The following KAZN variants were observed in gnomAD, a reference collection of about 807,000 sequenced individuals.
KAZN encodes kazrin, periplakin interacting protein, also known as kazrin.
In KAZN, 40 loss-of-function variants were observed where a neutral mutation model predicts 87.4. The ratio of observed to expected loss-of-function variants is 0.46; its 90% CI spans 0.36 to 0.60. The LOEUF (loss-of-function observed/expected upper bound fraction) is 0.60. Among genes scored for constraint, KAZN ranks in the 20% least tolerant of loss-of-function variants. The pLI is 0.00. For missense variants in KAZN, 898 were observed against 1,073.9 expected, an observed-to-expected ratio of 0.84 and a Z score of 2.29; for synonymous variants, 466 against 458.3, an observed-to-expected ratio of 1.02 and a Z score of -0.22.
At chr1:14,594,479 C>T (rs1676371861), upstream of KAZN, among the ~76,000 whole-genome samples, 2 of 152,174 alleles carry the variant, frequency 1.3e-5, no homozygotes, top group African/African-American at 4.8e-5. Context: ...TGAGCCGAGG[C>T]CTGGACCTTG....
chr1:13,926,085 A>C (rs1290470582), intron 1 of KAZN, among the ~76,000 whole-genome samples: 1 of 152,184 alleles, frequency 6.6e-6, no homozygotes, highest in South Asian at 2.1e-4. Flanking sequence ...TTTTCATTTC[A>C]AAGGATCTAG....
chr1:15,011,743 T>C (rs1393857833), intron 2 of KAZN, among the ~76,000 whole-genome samples: 1 of 152,200 alleles, frequency 6.6e-6, no homozygotes, highest in African/African-American at 2.4e-5. Flanking sequence ...TAGACCCTTC[T>C]TTCTGACCTT....
intron 1 of KAZN, among the ~76,000 whole-genome samples, chr1:14,602,323 GTC>G (rs1389604515): frequency 2.0e-5 from 3 of 152,140 alleles, no homozygotes; most frequent in African/African-American, 7.2e-5. Context: ...AGCCCATCTT[GTC>G]TCTCCCTCCT....
chr1:14,807,221 A>T (rs183142960), intron 1 of KAZN, among the ~76,000 whole-genome samples: 126 of 152,340 alleles, frequency 8.3e-4, no homozygotes, highest in Admixed American at 6.0e-3. Context: ...ACTGTGGCAG[A>T]GGACATTAGG....
rs561107469 is a variant in KAZN at position 14,625,306 on chromosome 1, A to G, written c.226+26083A>G. ...TGTAATGAAAGGTAGGAGCCTCCACAGTATACTAGATTTAGCCCTGATTAA... is the reference window on the plus strand; with the variant it reads ...TGTAATGAAAGGTAGGAGCCTCCACGGTATACTAGATTTAGCCCTGATTAA... On this transcript the variant is annotated intron_variant, in intron 1 of 14. Coordinates refer to ENST00000376030, the MANE Select transcript of KAZN (RefSeq NM_201628.3). 7.2e-5 allele frequency among the ~76,000 whole-genome samples: 11 copies of G among 152,316 alleles called. No homozygotes were observed. In the East Asian group the frequency reaches 1.7e-3, roughly 24 times the overall value.
At chr1:14,236,042 C>G (rs1044090715) in intron 2 of KAZN, among the ~76,000 whole-genome samples, 2 of 152,152 alleles carry the variant, frequency 1.3e-5, no homozygotes, top group African/African-American at 4.8e-5. Flanking sequence ...TAATATCATC[C>G]TAAAAAACAA....
chr1:14,680,545 C>T (rs1185048204), intron 1 of KAZN, among the ~76,000 whole-genome samples: 1 of 152,210 alleles, frequency 6.6e-6, no homozygotes, highest in African/African-American at 2.4e-5. Context: ...TTGCTGCACC[C>T]ATCAACCCGT....
chr1:14,574,315 G>A (rs1675047565), intron 2 of KAZN, among the ~76,000 whole-genome samples: 1 of 152,154 alleles, frequency 6.6e-6, no homozygotes, highest in African/African-American at 2.4e-5. Flanking sequence ...TCTGCAGGGA[G>A]CTCTGCCTAC....
At chr1:14,366,570 C>T (rs944220533) in intron 2 of KAZN, among the ~76,000 whole-genome samples, 4 of 152,222 alleles carry the variant, frequency 2.6e-5, no homozygotes, top group South Asian at 2.1e-4. Flanking sequence ...CTGCACTTAA[C>T]CCCTTGTGGG....
intron 1 of KAZN, among the ~76,000 whole-genome samples, chr1:14,772,571 A>G (rs527324896): frequency 6.6e-6 from 1 of 151,866 alleles, no homozygotes; most frequent in African/African-American, 2.4e-5. Context: ...TGAAGAAGTG[A>G]GCTTGTGATG....
intron 2 of KAZN, among the ~76,000 whole-genome samples, chr1:14,346,994 G>C (rs1658150342): frequency 6.6e-6 from 1 of 152,056 alleles, no homozygotes. Flanking sequence ...CTATGGGGAA[G>C]GAAATACAAC....
rs902484046 is a variant in KAZN at position 14,913,612 on chromosome 1, G to C, written c.227-47072G>C. Reference sequence around the variant, plus strand: ...AGAGTACAGAACTCTCTGCCTTACTGTCTGGGCTTGGCCCATGCTGGGGCC... The same window carrying C: ...AGAGTACAGAACTCTCTGCCTTACTCTCTGGGCTTGGCCCATGCTGGGGCC... On this transcript the variant is annotated intron_variant, in intron 1 of 14. Coordinates refer to ENST00000376030, the MANE Select transcript of KAZN (RefSeq NM_201628.3). 3.3e-5 allele frequency among the ~76,000 whole-genome samples: 5 copies of C among 152,346 alleles called. No individual in the cohort carries two copies. In the East Asian group the frequency reaches 7.7e-4, roughly 24 times the overall value.
intron 2 of KAZN, among the ~76,000 whole-genome samples, chr1:14,506,122 C>A (rs1670573060): frequency 6.6e-6 from 1 of 152,062 alleles, no homozygotes; most frequent in Non-Finnish European, 1.5e-5. Context: ...TAAAAAGTGA[C>A]CTAGAGGGTG....
intron 1 of KAZN, among the ~76,000 whole-genome samples, chr1:13,901,048 A>AAAAAAC (rs904981268): frequency 6.6e-6 from 1 of 151,436 alleles, no homozygotes; most frequent in African/African-American, 2.4e-5. Flanking sequence ...CATTGAAAAA[A>AAAAAAC]AAAAAACAAA....
At chr1:14,822,404 C>T (rs915770280) in intron 1 of KAZN, among the ~76,000 whole-genome samples, 1 of 152,144 alleles carries the variant, frequency 6.6e-6, no homozygotes, top group African/African-American at 2.4e-5. Flanking sequence ...CTTTGGGTTT[C>T]AAGCAATAGA....
At chr1:14,109,175 C>G (rs748885312) in intron 1 of KAZN, among the ~76,000 whole-genome samples, 12 of 152,152 alleles carry the variant, frequency 7.9e-5, no homozygotes, top group Admixed American at 3.9e-4. Flanking sequence ...GAAATGGAGC[C>G]AAGGACAACA....
intron 1 of KAZN, among the ~76,000 whole-genome samples, chr1:14,846,164 G>C (rs1169518733): frequency 6.6e-6 from 1 of 152,176 alleles, no homozygotes; most frequent in Non-Finnish European, 1.5e-5. Context: ...TTCTATAGCG[G>C]CATGTCTTGG....
intron 8 of KAZN, among the ~76,000 whole-genome samples, chr1:15,079,614 G>A (rs1639906184): frequency 6.6e-6 from 1 of 152,152 alleles, no homozygotes; most frequent in Non-Finnish European, 1.5e-5. Flanking sequence ...CTGCATGGGT[G>A]CGTGGAGAAG....
chr1:15,023,556 A>T (rs1222632504), intron 2 of KAZN, among the ~76,000 whole-genome samples: 1 of 152,086 alleles, frequency 6.6e-6, no homozygotes, highest in African/African-American at 2.4e-5. Flanking sequence ...GAGGATGGGT[A>T]CAGGACCTGG....
Sources: gnomAD v4.1 joint callset for allele counts (sites outside exome capture counted in the v4.1 genomes callset) on GRCh38, gnomAD v4.1.1 for gene constraint, MANE v1.5 for transcripts, NCBI Gene and HGNC (gene_info 2026-07-23, HGNC 2026-07-21) for gene names.